WNK2: variants seen among roughly 807,000 people sequenced by gnomAD.
WNK2 encodes serine/threonine-protein kinase WNK2.
WNK2 carries 67 observed loss-of-function variants against 192.1 expected under a neutral mutation model. The observed-to-expected ratio is 0.35, with a 90% CI of 0.29 to 0.43. WNK2 has a LOEUF of 0.43. Ranked by LOEUF, WNK2 falls within the 20% of genes least tolerant of loss-of-function variation. The pLI, the probability that WNK2 is intolerant of heterozygous loss-of-function variation, is 1.00. For synonymous variants in WNK2, 1,439 were observed against 1,393.9 expected, an observed-to-expected ratio of 1.03 and a Z score of -0.72; for missense variants, 2,698 against 3,089.7, an observed-to-expected ratio of 0.87 and a Z score of 3.01.
At chr9:93,249,559 C>T (rs1166371363) in intron 8 of WNK2, among the ~76,000 whole-genome samples, 2 of 151,846 alleles carry the variant, frequency 1.3e-5, no homozygotes, top group Non-Finnish European at 2.9e-5. Context: ...CTGCAAGCTC[C>T]GCCTACCAGG....
rs575981050 is a variant in WNK2, at chr9:93,257,919, G to A, written c.2382+780G>A. Among the ~76,000 whole-genome samples the A allele has an allele frequency of 1.3e-5, 2 of 152,218 alleles. No individual in the cohort carries two copies. Among genetic ancestry groups the A allele is most frequent in the Non-Finnish European group, 2.9e-5 (2 of 68,038 alleles). ...GGCATGGAGGATTCTAGGTACTCCC[G>A]AGGGCTTCGGTGACCCGGACAGGCT... On this transcript the variant is annotated intron_variant, in intron 11 of 29. Coordinates refer to ENST00000427277, the MANE Select transcript of WNK2 (RefSeq NM_006648.4). This position sits in a 1 kb window ranked among gnomAD's most constrained non-coding sequence, Gnocchi z 4.7.
At position 93,230,940 on chromosome 9, in the gene WNK2, C is replaced by T; in HGVS notation, c.907C>T (p.Arg303Trp). 1 of 1,613,890 alleles carries T rather than the reference C, an allele frequency of 6.2e-7. No individual in the cohort carries two copies. The highest frequency in any genetic ancestry group is 8.5e-7 in the Non-Finnish European group (1 of 1,179,882). Residue 303 changes from arginine to tryptophan, a missense_variant, in exon 4 of 30, where the codon CGG becomes TGG. Coordinates refer to ENST00000427277, the MANE Select transcript of WNK2 (RefSeq NM_006648.4). ...GCCCAAGGTTCTCCGCAGCTGGTGC[C>T]GGCAGATCCTGAAGGGCCTGCTGTT... ...MKPKVLRSWC[R>W]QILKGLLFLH...
chr9:93,185,457 G>A lies in WNK2; in HGVS notation c.528G>A (p.Glu176=). 1 of 1,612,592 alleles carries A rather than the reference G, an allele frequency of 6.2e-7. No individual in the cohort carries two copies. Among genetic ancestry groups the A allele is most frequent in the Non-Finnish European group, 8.5e-7 (1 of 1,179,716 alleles). ...GRTRRDEPEE[E]EDDEDDLKAV... ...CTCGCCGGGACGAGCCCGAAGAGGA[G>A]GAGGACGACGAGGACGACCTCAAGG... Residue 176 remains glutamate (E), a synonymous_variant, in exon 2 of 30, where the codon GAG becomes GAA. Coordinates refer to ENST00000427277, the MANE Select transcript of WNK2 (RefSeq NM_006648.4).
intron 28 of WNK2, chr9:93,317,103 A>G (rs969835989): frequency 7.8e-6 from 2 of 258,036 alleles, no homozygotes; most frequent in Middle Eastern, 1.3e-3. Context: ...TGCTTTGCCC[A>G]GGTCCTGGGG....
intron 2 of WNK2, among the ~76,000 whole-genome samples, chr9:93,226,897 T>C (rs1213551787): frequency 6.6e-6 from 1 of 152,122 alleles, no homozygotes; most frequent in African/African-American, 2.4e-5. Context: ...TCCAGGTGGG[T>C]CTATGATGAA....
chr9:93,257,440 C>T lies in WNK2; in HGVS notation c.2382+301C>T, dbSNP rs1843488421. Among the ~76,000 whole-genome samples the T allele has an allele frequency of 6.6e-6, 1 of 152,194 alleles. No individual in the cohort carries two copies. The highest frequency in any genetic ancestry group is 1.5e-5 in the Non-Finnish European group (1 of 68,024). ...ACCAACCTGGCAGGCTGCTCTTGGT[C>T]CTTCCAGGCCATGACCTCCCTGGGG... On this transcript the variant is annotated intron_variant, in intron 11 of 29. Transcript: ENST00000427277. This position sits in a 1 kb window ranked among gnomAD's most constrained non-coding sequence, Gnocchi z 4.7.
intron 2 of WNK2, among the ~76,000 whole-genome samples, chr9:93,192,807 CCAT>C (rs1830572953): frequency 6.6e-6 from 1 of 152,224 alleles, no homozygotes; most frequent in Non-Finnish European, 1.5e-5. Context: ...CTGCTGGCCA[CCAT>C]GAGTCCACGG....
At chr9:93,297,012 C>T (rs1398283137) in intron 23 of WNK2, among the ~76,000 whole-genome samples, 12 of 112,640 alleles carry the variant, frequency 1.1e-4, no homozygotes, top group East Asian at 2.9e-4. Flanking sequence ...ATCCTCCCCT[C>T]CCCATCCACC....
At chr9:93,205,584 G>A (rs890740299) in intron 2 of WNK2, among the ~76,000 whole-genome samples, 3 of 152,264 alleles carry the variant, frequency 2.0e-5, no homozygotes, top group Non-Finnish European at 4.4e-5. Flanking sequence ...GCTGTCTGGA[G>A]CCTGGTCTCC....
chr9:93,206,280 A>G (rs1056206318), intron 2 of WNK2, among the ~76,000 whole-genome samples: 1 of 152,116 alleles, frequency 6.6e-6, no homozygotes, highest in Admixed American at 6.5e-5. Flanking sequence ...GTGCTGGTGG[A>G]CAGGCTGAGG....
At chr9:93,222,143 G>A (rs1193938974) in intron 2 of WNK2, among the ~76,000 whole-genome samples, 1 of 151,938 alleles carries the variant, frequency 6.6e-6, no homozygotes, top group African/African-American at 2.4e-5. Flanking sequence ...AGCTCACTTG[G>A]CACCTTCCCC....
At chr9:93,258,726 A>G (rs1355286161) in intron 11 of WNK2, among the ~76,000 whole-genome samples, 3 of 151,794 alleles carry the variant, frequency 2.0e-5, no homozygotes, top group African/African-American at 7.3e-5. Flanking sequence ...AGAGCTTTAC[A>G]TGGTTGAGAT....
chr9:93,250,304 CAT>C lies in WNK2; in HGVS notation c.1834+2473_1834+2474del, dbSNP rs367589284. The stretch of plus-strand genomic sequence containing the variant: ...CGCCCAGCCTGCATGCAAATGGACA[CAT>C]ATGTACACATGTGAACACCCCCACA... On this transcript the variant is annotated intron_variant, in intron 8 of 29. Coordinates refer to ENST00000427277, the MANE Select transcript of WNK2 (RefSeq NM_006648.4). Among the ~76,000 whole-genome samples the C allele has an allele frequency of 4.5e-3, 693 of 152,312 alleles. 12 individuals carry two copies. Among genetic ancestry groups the C allele is most frequent in the African/African-American group, 0.016 (654 of 41,564 alleles).
intron 26 of WNK2, chr9:93,300,404 C>T (rs368050154): frequency 1.1e-5 from 4 of 361,412 alleles, no homozygotes; most frequent in East Asian, 8.8e-5. Context: ...GCATGTGCAG[C>T]GGCTGGCCTG....
rs1484525681 is a variant in WNK2 at position 93,229,210 on chromosome 9, T to A, written c.682-486T>A. 6.6e-6 allele frequency among the ~76,000 whole-genome samples: 1 copy of A among 151,782 alleles called. No individual in the cohort carries two copies. Among genetic ancestry groups the A allele is most frequent in the Non-Finnish European group, 1.5e-5 (1 of 67,718 alleles). On this transcript the variant is annotated intron_variant, in intron 2 of 29. Coordinates refer to ENST00000427277, the MANE Select transcript of WNK2 (RefSeq NM_006648.4). This position sits in a 1 kb window ranked among gnomAD's most constrained non-coding sequence, Gnocchi z 4.9. ...GGCTGCTGACTGGTCAGTTTGGCTC[T>A]GCTAGGGCTTTTCTCTTCCCTCCAT...
At position 93,247,957 on chromosome 9, in the gene WNK2, C is replaced by T. The variant is rs1184041067; in HGVS notation, c.1834+123C>T. ...TGGAATGCTTTGTGAGGAAGGGGGT[C>T]CGCATGGCATCCCCTCGGAGGAGAC... On this transcript the variant is annotated intron_variant, in intron 8 of 29. Transcript: ENST00000427277. This position sits in a 1 kb window ranked among gnomAD's most constrained non-coding sequence, Gnocchi z 5.2. 4 of 1,123,256 alleles carry T rather than the reference C, an allele frequency of 3.6e-6. No homozygotes were observed. The highest frequency in any genetic ancestry group is 5.0e-6 in the Non-Finnish European group (4 of 803,054). 69.6% of individuals were successfully genotyped at this position (1,123,256 alleles called of 1,614,324 possible). A position where few individuals can be genotyped will look rare whatever the true frequency, so the allele number is the denominator to read the frequency against.
intron 12 of WNK2, 81 bp from the exon 13 acceptor site, chr9:93,261,733 A>G (rs1844291114): frequency 3.3e-6 from 5 of 1,492,708 alleles, no homozygotes; most frequent in Non-Finnish European, 4.5e-6. Context: ...CGGCCTGGGT[A>G]TTCCCAGACA....
At chr9:93,297,825 C>T (rs777979029) in intron 23 of WNK2, 28 bp from the exon 24 acceptor site, 23 of 1,544,348 alleles carry the variant, frequency 1.5e-5, no homozygotes, top group East Asian at 9.8e-5. Context: ...GGAAGCCCAT[C>T]GGCGCTCCCT....
intron 20 of WNK2, 105 bp downstream of exon 20, chr9:93,289,725 A>C (rs1244851792): frequency 5.1e-6 from 6 of 1,185,808 alleles, no homozygotes; most frequent in Middle Eastern, 2.9e-4. Flanking sequence ...AGCCGCCCTC[A>C]CTCAGGGCCC....
Sources: gnomAD v4.1 joint callset for allele counts (sites outside exome capture counted in the v4.1 genomes callset) on GRCh38, gnomAD v4.1.1 for gene constraint, Gnocchi (gnomAD v3.1) non-coding constraint, MANE v1.5 for transcripts, NCBI Gene and HGNC (gene_info 2026-07-23, HGNC 2026-07-21) for gene names.